PPP6R3: variants seen among roughly 807,000 people sequenced by gnomAD.
PPP6R3 encodes the protein serine/threonine-protein phosphatase 6 regulatory subunit 3.
Under a neutral mutation model 110.7 loss-of-function variants are expected in PPP6R3, and 38 were observed. The observed-to-expected ratio is 0.34, with a 90% CI of 0.26 to 0.45. The LOEUF (loss-of-function observed/expected upper bound fraction) is 0.45, where lower values mean the gene tolerates loss of function less well. PPP6R3 is among the 20% of genes least tolerant of loss of function. The pLI, the probability that PPP6R3 is intolerant of heterozygous loss-of-function variation, is 1.00. For missense variants in PPP6R3, 870 were observed against 1,062.4 expected (o/e 0.82, Z 2.52); for synonymous variants, 369 against 373.5 (o/e 0.99, Z 0.14).
intron 1 of PPP6R3, among the ~76,000 whole-genome samples, chr11:68,479,460 T>C (rs1046914399): frequency 7.2e-5 from 11 of 152,172 alleles, no homozygotes; most frequent in African/African-American, 2.2e-4. Flanking sequence ...ACCTATACTT[T>C]TATATTGTCA....
intron 2 of PPP6R3, among the ~76,000 whole-genome samples, chr11:68,523,781 T>A (rs1283350660): frequency 6.7e-6 from 1 of 149,490 alleles, no homozygotes. Context: ...TTCTAAAACT[T>A]CTTTTATTTG....
intron 16 of PPP6R3, among the ~76,000 whole-genome samples, chr11:68,588,992 AGGTTAGG>A (rs2099587474): frequency 6.6e-6 from 1 of 151,820 alleles, no homozygotes; most frequent in Non-Finnish European, 1.5e-5. Context: ...GGATCACTTG[AGGTTAGG>A]GGTTCGAGAC....
intron 15 of PPP6R3, among the ~76,000 whole-genome samples, chr11:68,583,518 A>C (rs936936156): frequency 2.0e-5 from 3 of 152,234 alleles, no homozygotes; most frequent in African/African-American, 7.2e-5. Context: ...ATGTAAGTAA[A>C]AGTAAACTCT....
chr11:68,553,244 T>C (rs2099387647), intron 6 of PPP6R3, among the ~76,000 whole-genome samples: 1 of 152,168 alleles, frequency 6.6e-6, no homozygotes, highest in Non-Finnish European at 1.5e-5. Context: ...AGAGAAGGCT[T>C]AATATTTCTT....
intron 2 of PPP6R3, among the ~76,000 whole-genome samples, chr11:68,520,400 C>G (rs1192312558): frequency 6.6e-6 from 1 of 152,118 alleles, no homozygotes; most frequent in East Asian, 1.9e-4. Flanking sequence ...TTGCAACTGT[C>G]TTTTTCTTTT....
intron 2 of PPP6R3, among the ~76,000 whole-genome samples, chr11:68,523,630 G>T (rs1318980110): frequency 1.3e-5 from 2 of 151,394 alleles, no homozygotes; most frequent in African/African-American, 4.9e-5. Context: ...GTGATGGCCT[G>T]TGCAGGCCCT....
At chr11:68,486,754 A>G (rs574389586) in intron 1 of PPP6R3, among the ~76,000 whole-genome samples, 3 of 151,838 alleles carry the variant, frequency 2.0e-5, no homozygotes, top group Non-Finnish European at 2.9e-5. Flanking sequence ...TTAGAAGGTT[A>G]TTATTCAAAT....
intron 1 of PPP6R3, among the ~76,000 whole-genome samples, chr11:68,482,796 T>C (rs2098923683): frequency 6.6e-6 from 1 of 152,166 alleles, no homozygotes; most frequent in African/African-American, 2.4e-5. Context: ...GTGTCTCCTT[T>C]CTTGATTTTT....
chr11:68,476,637 C>T (rs1591662093), intron 1 of PPP6R3, among the ~76,000 whole-genome samples: 1 of 152,092 alleles, frequency 6.6e-6, no homozygotes, highest in Admixed American at 6.6e-5. Context: ...TAATTTTTAT[C>T]TTTAATTCTG....
chr11:68,615,169 G>A lies in PPP6R3; in HGVS notation c.*2052G>A, dbSNP rs758560015. 7 of 445,784 alleles carry A rather than the reference G, an allele frequency of 1.6e-5. No homozygotes were observed. The highest frequency in any genetic ancestry group is 1.8e-5 in the Non-Finnish European group (4 of 219,902). 27.6% of individuals were successfully genotyped at this position (445,784 alleles called of 1,614,324 possible). A position where few individuals can be genotyped will look rare whatever the true frequency, so the allele number is the denominator to read the frequency against. ...CAATGGGGAGGACAGTTCTTTTGGAGGTTGGAGGGGCCAAGCCAAGGACAG... is the reference window on the plus strand; with the variant it reads ...CAATGGGGAGGACAGTTCTTTTGGAAGTTGGAGGGGCCAAGCCAAGGACAG... On this transcript the variant is annotated 3_prime_UTR_variant, in exon 24 of 24. Transcript: ENST00000393800.
intron 1 of PPP6R3, among the ~76,000 whole-genome samples, chr11:68,463,817 C>A (rs2098725822): frequency 6.6e-6 from 1 of 152,060 alleles, no homozygotes; most frequent in African/African-American, 2.4e-5. Flanking sequence ...GGGGTGGTTC[C>A]CCCCTCACCC....
intron 2 of PPP6R3, among the ~76,000 whole-genome samples, chr11:68,534,862 C>T (rs2099261225): frequency 6.6e-6 from 1 of 152,174 alleles, no homozygotes; most frequent in Non-Finnish European, 1.5e-5. Context: ...TTATTCTGTG[C>T]CCTCAGACAG....
At chr11:68,463,355 GA>G (rs1156285158) in intron 1 of PPP6R3, among the ~76,000 whole-genome samples, 1,165 of 54,608 alleles carry the variant, frequency 0.021, 7 homozygotes, top group African/African-American at 0.049. Flanking sequence ...CTCAGTCTCA[GA>G]AAAAAAAAAA....
At chr11:68,602,850 C>T (rs891574518) in intron 21 of PPP6R3, among the ~76,000 whole-genome samples, 9 of 152,162 alleles carry the variant, frequency 5.9e-5, no homozygotes, top group Admixed American at 2.0e-4. Context: ...TGTTTGAATC[C>T]AGGAAGCCTC....
At chr11:68,597,640 C>G (rs763419588) in intron 19 of PPP6R3, among the ~76,000 whole-genome samples, 5 of 151,930 alleles carry the variant, frequency 3.3e-5, no homozygotes, top group African/African-American at 7.3e-5. Flanking sequence ...TCTGTTGGCT[C>G]TGGAATCTGT....
At position 68,614,060 on chromosome 11, in the gene PPP6R3, T is replaced by C. The variant is rs1370451523; in HGVS notation, c.*943T>C. 1.0e-6 allele frequency: 1 copy of C among 985,772 alleles called. No individual in the cohort carries two copies. The highest frequency in any genetic ancestry group is 1.2e-6 in the Non-Finnish European group (1 of 829,984). 61.1% of individuals were successfully genotyped at this position (985,772 alleles called of 1,614,324 possible). On this transcript the variant is annotated 3_prime_UTR_variant, in exon 24 of 24. Coordinates refer to ENST00000393800, the MANE Select transcript of PPP6R3 (RefSeq NM_001164161.2). The stretch of plus-strand genomic sequence containing the variant: ...TATTTAACAGACCTAAAATAAATCC[T>C]ATTAGGCAAGTCAGTTGAAAATGCT...
At chr11:68,592,091 A>G (rs2099597129) in intron 18 of PPP6R3, among the ~76,000 whole-genome samples, 1 of 152,256 alleles carries the variant, frequency 6.6e-6, no homozygotes, top group Admixed American at 6.5e-5. Context: ...ATTGTATTTA[A>G]AAGTTAATCT....
chr11:68,534,939 T>C (rs1000021834), intron 2 of PPP6R3, among the ~76,000 whole-genome samples: 10 of 152,216 alleles, frequency 6.6e-5, no homozygotes, highest in Non-Finnish European at 1.2e-4. Context: ...ATTGAAGTTA[T>C]CTTTTGGTAT....
At position 68,476,411 on chromosome 11, in the gene PPP6R3, C is replaced by G. The variant is rs567233056; in HGVS notation, c.-158+15584C>G. Among the ~76,000 whole-genome samples, 7 of 128,982 alleles carry G rather than the reference C, an allele frequency of 5.4e-5. No individual in the cohort carries two copies. In the South Asian group the frequency reaches 1.8e-3, roughly 33 times the overall value. 84.6% of individuals were successfully genotyped at this position (128,982 alleles called of 152,430 possible). ...AGGTTGCAGTAAGCCGAGATGGCAG[C>G]AGTACAGTCCAGCTTCGGCTGGGCA... On this transcript the variant is annotated intron_variant, in intron 1 of 23. Coordinates refer to ENST00000393800, the MANE Select transcript of PPP6R3 (RefSeq NM_001164161.2).
Sources: gnomAD v4.1 joint callset for allele counts (sites outside exome capture counted in the v4.1 genomes callset) on GRCh38, gnomAD v4.1.1 for gene constraint, MANE v1.5 for transcripts, NCBI Gene and HGNC (gene_info 2026-07-23, HGNC 2026-07-21) for gene names.